The following R3HDM2 variants were observed in gnomAD, a reference collection of about 807,000 sequenced individuals.
The protein encoded by R3HDM2 is R3H domain-containing protein 2.
Under a neutral mutation model 124.5 loss-of-function variants are expected in R3HDM2, and 38 were observed. The ratio of observed to expected loss-of-function variants is 0.31; its 90% CI spans 0.24 to 0.40. The LOEUF (loss-of-function observed/expected upper bound fraction) is 0.40. Ranked by LOEUF, R3HDM2 falls within the 10% of genes least tolerant of loss-of-function variation. R3HDM2 has a pLI of 1.00. For synonymous variants in R3HDM2, 391 were observed against 448.0 expected (o/e 0.87, Z 1.61); for missense variants, 869 against 1,236.9 (o/e 0.70, Z 4.46).
At chr12:57,317,206 T>G (rs991049174) in intron 2 of R3HDM2, among the ~76,000 whole-genome samples, 16 of 151,866 alleles carry the variant, frequency 1.1e-4, no homozygotes, top group Admixed American at 3.3e-4. Context: ...TTGTTTGTTT[T>G]TTTGTTTTTT....
chr12:57,287,155 C>A (rs936578672), intron 12 of R3HDM2, among the ~76,000 whole-genome samples: 4 of 152,176 alleles, frequency 2.6e-5, no homozygotes, highest in African/African-American at 9.7e-5. Flanking sequence ...CTTGGGCTAG[C>A]CACTTAAATC....
Position 57,418,864 on chromosome 12 carries a change from C to T in R3HDM2, c.-106+11856G>A, listed in dbSNP as rs921963184. Among the ~76,000 whole-genome samples, 5 of 152,220 alleles carry T rather than the reference C, an allele frequency of 3.3e-5. No homozygotes were observed. In the East Asian group the frequency reaches 9.7e-4, roughly 29 times the overall value. ...AGGCATGAGTCACTGCACTCGGCCT[C>T]AGTATCTCTTATATAGACTACAATA... is the stretch of plus-strand genomic sequence containing the variant. On this transcript the variant is annotated intron_variant, in intron 1 of 23. Coordinates refer to ENST00000402412, the MANE Select transcript of R3HDM2 (RefSeq NM_001394031.1).
intron 2 of R3HDM2, among the ~76,000 whole-genome samples, chr12:57,366,144 A>AT (rs1025921068): frequency 6.6e-6 from 1 of 151,854 alleles, no homozygotes; most frequent in Non-Finnish European, 1.5e-5. Context: ...CTCTTCACTT[A>AT]TTTTTTTGTC....
rs566868060 is a variant in R3HDM2 at position 57,260,263 on chromosome 12, C to CAAAAAAAAAAAAAAAAAAAAAAAAAAAA, written c.2132-1205_2132-1204insTTTTTTTTTTTTTTTTTTTTTTTTTTTT. Among the ~76,000 whole-genome samples, 15 of 31,564 alleles carry CAAAAAAAAAAAAAAAAAAAAAAAAAAAA rather than the reference C, an allele frequency of 4.8e-4. 2 individuals are homozygous for CAAAAAAAAAAAAAAAAAAAAAAAAAAAA. Among genetic ancestry groups the CAAAAAAAAAAAAAAAAAAAAAAAAAAAA allele is most frequent in the African/African-American group, 1.2e-3 (10 of 8,120 alleles). The allele number at this position is 31,564 out of a possible 152,430, so 20.7% of individuals were successfully genotyped here. On this transcript the variant is annotated intron_variant, in intron 19 of 23. Transcript: ENST00000402412. ...TGGGTGACAGAATGAGACCCTGCCT[C>CAAAAAAAAAAAAAAAAAAAAAAAAAAAA]AAAAAAAAAAAAAAAAAAAAAAGCC...
At chr12:57,306,413 TA>T (rs1566064518) in intron 3 of R3HDM2, among the ~76,000 whole-genome samples, 2 of 9,934 alleles carry the variant, frequency 2.0e-4, no homozygotes, top group South Asian at 0.025. Context: ...CCAAGTTGGC[TA>T]TTTTTTTTTT....
intron 2 of R3HDM2, among the ~76,000 whole-genome samples, chr12:57,319,373 T>C (rs2055889422): frequency 6.6e-6 from 1 of 152,186 alleles, no homozygotes. Context: ...CTTCCATAAT[T>C]AGGTTCTTAA....
intron 12 of R3HDM2, among the ~76,000 whole-genome samples, chr12:57,287,055 G>A (rs1408093385): frequency 6.6e-6 from 1 of 152,144 alleles, no homozygotes; most frequent in African/African-American, 2.4e-5. Context: ...AGAGAGGAAG[G>A]GGTGACATCT....
At chr12:57,410,508 T>G (rs1467847150) in intron 1 of R3HDM2, among the ~76,000 whole-genome samples, 3 of 152,060 alleles carry the variant, frequency 2.0e-5, no homozygotes, top group African/African-American at 7.2e-5. Flanking sequence ...CAAGCTCAAA[T>G]GTATTGCCTC....
chr12:57,413,847 C>CTT (rs56189620), intron 1 of R3HDM2, among the ~76,000 whole-genome samples: 1 of 120,536 alleles, frequency 8.3e-6, no homozygotes. Context: ...AATCCCCCCC[C>CTT]TTTTTTTTTT....
intron 2 of R3HDM2, among the ~76,000 whole-genome samples, chr12:57,316,317 T>C (rs955032825): frequency 3.3e-5 from 5 of 152,192 alleles, no homozygotes; most frequent in Non-Finnish European, 5.9e-5. Flanking sequence ...CCCCAATCCC[T>C]GGGAGATGGA....
chr12:57,398,597 T>C (rs939792798), intron 1 of R3HDM2, among the ~76,000 whole-genome samples: 6 of 151,984 alleles, frequency 3.9e-5, no homozygotes, highest in Middle Eastern at 3.2e-3. Context: ...CAAGCCATTC[T>C]CCTGCCTCAA....
intron 1 of R3HDM2, among the ~76,000 whole-genome samples, chr12:57,422,529 T>C (rs566341669): frequency 3.9e-5 from 6 of 152,294 alleles, no homozygotes; most frequent in Admixed American, 6.5e-5. Flanking sequence ...TCCCAGGTAG[T>C]TAAGGAAAAG....
intron 2 of R3HDM2, among the ~76,000 whole-genome samples, chr12:57,363,259 C>T (rs528244369): frequency 6.6e-6 from 1 of 152,274 alleles, no homozygotes; most frequent in Non-Finnish European, 1.5e-5. Flanking sequence ...ATTTCATCTA[C>T]ACTTTTTATT....
At chr12:57,278,089 G>A (rs1049122161) in intron 14 of R3HDM2, among the ~76,000 whole-genome samples, 1 of 152,160 alleles carries the variant, frequency 6.6e-6, no homozygotes, top group Non-Finnish European at 1.5e-5. Flanking sequence ...TCAAAACCTG[G>A]ATAAATTCTT....
At chr12:57,393,473 TC>T (rs1431131393) in intron 2 of R3HDM2, among the ~76,000 whole-genome samples, 19 of 152,118 alleles carry the variant, frequency 1.2e-4, no homozygotes, top group African/African-American at 4.6e-4. Flanking sequence ...CAGCAAGACC[TC>T]ATCTCTAACA....
chr12:57,257,390 T>C (rs2039392517), intron 21 of R3HDM2, among the ~76,000 whole-genome samples: 1 of 152,256 alleles, frequency 6.6e-6, no homozygotes, highest in Admixed American at 6.5e-5. Context: ...AAGTGTTACC[T>C]ATTATTGATA....
intron 10 of R3HDM2, among the ~76,000 whole-genome samples, chr12:57,294,931 T>C (rs954615354): frequency 6.6e-6 from 1 of 152,218 alleles, no homozygotes; most frequent in Non-Finnish European, 1.5e-5. Flanking sequence ...AACACCTTTA[T>C]AATTGGGTAA....
rs896382969 is a variant in R3HDM2 at position 57,296,404 on chromosome 12, C to T, written c.701+7G>A. On this transcript the variant is annotated splice_region_variant and intron_variant, in intron 9 of 23. Coordinates refer to ENST00000402412, the MANE Select transcript of R3HDM2 (RefSeq NM_001394031.1). This position sits in a 1 kb window ranked among gnomAD's most constrained non-coding sequence, Gnocchi z 4.5. ...AAGTCTTCCCAAACCATGGTTTCCTCCCTTACATTCTTGTGTTACTAGTTT... is the reference window on the plus strand; with the variant it reads ...AAGTCTTCCCAAACCATGGTTTCCTTCCTTACATTCTTGTGTTACTAGTTT... The T allele has an allele frequency of 6.4e-7, 1 of 1,552,180 alleles. No homozygotes were observed. Among genetic ancestry groups the T allele is most frequent in the Non-Finnish European group, 8.7e-7 (1 of 1,147,068 alleles).
At chr12:57,320,283 A>AAAAAAAAAAAAAAAAAAAAAC (rs2056178316) in intron 2 of R3HDM2, among the ~76,000 whole-genome samples, 1 of 148,238 alleles carries the variant, frequency 6.7e-6, no homozygotes, top group Non-Finnish European at 1.5e-5. Flanking sequence ...AAAAAAAAAA[A>AAAAAAAAAAAAAAAAAAAAAC]AAAAAGCCTT....
Sources: gnomAD v4.1 joint callset for allele counts (sites outside exome capture counted in the v4.1 genomes callset) on GRCh38, gnomAD v4.1.1 for gene constraint, Gnocchi (gnomAD v3.1) non-coding constraint, MANE v1.5 for transcripts, NCBI Gene and HGNC (gene_info 2026-07-23, HGNC 2026-07-21) for gene names.